The following BCL2 variants were observed in gnomAD, a reference collection of about 807,000 sequenced individuals.
The protein encoded by BCL2 is apoptosis regulator Bcl-2.
Under a neutral mutation model 14.2 loss-of-function variants are expected in BCL2, and 1 was observed. The ratio of observed to expected loss-of-function variants is 0.07; its 90% CI spans 0.02 to 0.33. The LOEUF (loss-of-function observed/expected upper bound fraction) is 0.33, where lower values mean the gene tolerates loss of function less well. BCL2 is among the 10% of genes least tolerant of loss of function. The pLI is 0.99. For synonymous variants in BCL2, 151 were observed against 137.2 expected (o/e 1.10, Z -0.70); for missense variants, 247 against 305.9 (o/e 0.81, Z 1.44).
intron 2 of BCL2, among the ~76,000 whole-genome samples, chr18:63,246,668 A>G (rs1911159126): frequency 6.6e-6 from 1 of 152,082 alleles, no homozygotes. Context: ...CAGCCAAACC[A>G]TATCACCATC....
At chr18:63,169,393 C>CTTTCTTTCTTTCTT (rs1568222800) in intron 2 of BCL2, among the ~76,000 whole-genome samples, 19 of 113,334 alleles carry the variant, frequency 1.7e-4, no homozygotes, top group East Asian at 3.1e-4. Context: ...CTTTCTTTTT[C>CTTTCTTTCTTTCTT]TTTCTTTCTT....
intron 2 of BCL2, among the ~76,000 whole-genome samples, chr18:63,195,578 C>A (rs1909424726): frequency 6.6e-6 from 1 of 152,164 alleles, no homozygotes; most frequent in African/African-American, 2.4e-5. Flanking sequence ...GAGAGGACCA[C>A]TTGGGACCTT....
intron 2 of BCL2, among the ~76,000 whole-genome samples, chr18:63,159,311 C>T (rs974295548): frequency 4.6e-5 from 7 of 152,178 alleles, no homozygotes; most frequent in Admixed American, 2.0e-4. Context: ...AGAAAGGAAG[C>T]GTACCTTCGC....
intron 2 of BCL2, among the ~76,000 whole-genome samples, chr18:63,265,847 T>C (rs1476275518): frequency 2.0e-5 from 3 of 152,102 alleles, no homozygotes; most frequent in African/African-American, 7.2e-5. Flanking sequence ...AAAAGATGCA[T>C]AACGACTCAT....
chr18:63,134,164 G>C (rs1914147471), intron 2 of BCL2, among the ~76,000 whole-genome samples: 2 of 152,130 alleles, frequency 1.3e-5, no homozygotes, highest in Non-Finnish European at 2.9e-5. Context: ...TGAGGACATG[G>C]CATTTAAGAG....
intron 2 of BCL2, among the ~76,000 whole-genome samples, chr18:63,141,284 G>T (rs943063648): frequency 6.6e-6 from 1 of 152,150 alleles, no homozygotes; most frequent in African/African-American, 2.4e-5. Flanking sequence ...CTGTGTTACT[G>T]TAACTATTGC....
At chr18:63,234,392 C>T (rs1296958180) in intron 2 of BCL2, among the ~76,000 whole-genome samples, 1 of 152,234 alleles carries the variant, frequency 6.6e-6, no homozygotes, top group Non-Finnish European at 1.5e-5. Context: ...CTTCCAGTTC[C>T]ATCCATGTCC....
chr18:63,300,287 G>A (rs564148938), intron 2 of BCL2, among the ~76,000 whole-genome samples: 44 of 152,012 alleles, frequency 2.9e-4, no homozygotes, highest in African/African-American at 9.6e-4. Flanking sequence ...GGTAGGAGAT[G>A]AAAAAGAATG....
intron 2 of BCL2, chr18:63,316,271 T>C (rs1334525441): frequency 1.3e-5 from 2 of 152,230 alleles, no homozygotes; most frequent in African/African-American, 4.8e-5. Context: ...TTTATTAACT[T>C]ATTTGATAGA....
At chr18:63,190,389 T>C (rs1337357056) in intron 2 of BCL2, among the ~76,000 whole-genome samples, 1 of 152,250 alleles carries the variant, frequency 6.6e-6, no homozygotes, top group Non-Finnish European at 1.5e-5. Flanking sequence ...ACATCTTTTC[T>C]AAGGTCAGGT....
intron 2 of BCL2, among the ~76,000 whole-genome samples, chr18:63,248,510 A>G (rs1911214178): frequency 6.6e-6 from 1 of 152,202 alleles, no homozygotes; most frequent in Admixed American, 6.5e-5. Flanking sequence ...ATTTTGTAAA[A>G]TCTTCTCCTG....
chr18:63,128,488 T>C lies in BCL2; in HGVS notation c.*137A>G, dbSNP rs941460427. On this transcript the variant is annotated 3_prime_UTR_variant, in exon 3 of 3. Coordinates refer to ENST00000333681, the MANE Select transcript of BCL2 (RefSeq NM_000633.3). Reference sequence around the variant, plus strand: ...TTGTGTGTGTGTGTGTCTGTCTGTGTGTGTGATGTTTATATGTGTGTTATT... The same window carrying C: ...TTGTGTGTGTGTGTGTCTGTCTGTGCGTGTGATGTTTATATGTGTGTTATT... 4.9e-6 allele frequency: 3 copies of C among 609,442 alleles called. No homozygotes were observed. In the Admixed American group the frequency reaches 8.2e-5, roughly 17 times the overall value. The allele number at this position is 609,442 out of a possible 1,614,324, so 37.8% of individuals were successfully genotyped here.
At chr18:63,189,716 C>T (rs1004632578) in intron 2 of BCL2, among the ~76,000 whole-genome samples, 2 of 122,652 alleles carry the variant, frequency 1.6e-5, no homozygotes, top group African/African-American at 6.1e-5. Context: ...CCCACCGCAT[C>T]CAATGAAGTG....
At chr18:63,290,837 G>A (rs1258491990) in intron 2 of BCL2, among the ~76,000 whole-genome samples, 1 of 152,152 alleles carries the variant, frequency 6.6e-6, no homozygotes, top group Non-Finnish European at 1.5e-5. Flanking sequence ...AAAAACAAGA[G>A]AAGATATGAA....
At chr18:63,267,388 G>A (rs768767166) in intron 2 of BCL2, among the ~76,000 whole-genome samples, 11 of 152,206 alleles carry the variant, frequency 7.2e-5, no homozygotes, top group Non-Finnish European at 1.3e-4. Flanking sequence ...GCAGCAGGCA[G>A]GGGATGGAGT....
intron 2 of BCL2, among the ~76,000 whole-genome samples, chr18:63,283,958 T>G (rs899392994): frequency 6.6e-6 from 1 of 152,188 alleles, no homozygotes; most frequent in Non-Finnish European, 1.5e-5. Context: ...AAAATCTGAC[T>G]GGAGACTCCA....
intron 2 of BCL2, among the ~76,000 whole-genome samples, chr18:63,183,210 C>T (rs944719591): frequency 6.6e-6 from 1 of 152,194 alleles, no homozygotes. Context: ...TCATGGAGGG[C>T]AAGCCACCAG....
intron 2 of BCL2, among the ~76,000 whole-genome samples, chr18:63,270,019 A>G (rs1225927669): frequency 6.6e-6 from 1 of 152,162 alleles, no homozygotes; most frequent in African/African-American, 2.4e-5. Context: ...TTTCCTTTAA[A>G]GTGCTCATTA....
intron 2 of BCL2, among the ~76,000 whole-genome samples, chr18:63,280,252 T>A (rs1599287460): frequency 6.6e-6 from 1 of 152,306 alleles, no homozygotes; most frequent in East Asian, 1.9e-4. Context: ...TGACTAATTG[T>A]ATGACCTTGA....
Sources: allele counts gnomAD v4.1 joint callset (sites outside exome capture counted in the v4.1 genomes callset), GRCh38; gene constraint gnomAD v4.1.1; transcripts MANE v1.5; gene names NCBI Gene and HGNC (gene_info 2026-07-23, HGNC 2026-07-21).